Variants in KCNQ1 observed in about 807,000 individuals in gnomAD.
KCNQ1 encodes the protein potassium voltage-gated channel subfamily KQT member 1.
Under a neutral mutation model 72.4 loss-of-function variants are expected in KCNQ1, and 49 were observed. That is an observed-to-expected ratio of 0.68 (90% CI 0.54 to 0.86). The LOEUF (loss-of-function observed/expected upper bound fraction) is 0.86, where lower values mean the gene tolerates loss of function less well. KCNQ1 is among the 40% of genes least tolerant of loss of function. The pLI is 0.00. For missense variants in KCNQ1, 790 were observed against 945.1 expected (o/e 0.84, Z 2.15); for synonymous variants, 450 against 412.6 (o/e 1.09, Z -1.10).
Position 2,473,944 on chromosome 11 carries a change from C to A in KCNQ1, c.386+28460C>A, listed in dbSNP as rs1270439403. The stretch of plus-strand genomic sequence containing the variant: ...TCCTTCACCAAATCCGCAAAATAGG[C>A]CTGATGCCAGGAACGGGGCACTGCA... On this transcript the variant is annotated intron_variant, in intron 1 of 15. Transcript: ENST00000155840. The surrounding 1 kb of genome is among the most constrained non-coding windows in gnomAD (Gnocchi z 6.0). 1.3e-5 allele frequency among the ~76,000 whole-genome samples: 2 copies of A among 152,232 alleles called. No homozygotes were observed. Among genetic ancestry groups the A allele is most frequent in the Non-Finnish European group, 2.9e-5 (2 of 68,026 alleles).
intron 2 of KCNQ1, among the ~76,000 whole-genome samples, chr11:2,554,996 C>T (rs367660993): frequency 2.6e-5 from 4 of 152,330 alleles, no homozygotes; most frequent in South Asian, 4.1e-4. Context: ...TGTGCACACA[C>T]GCGCTGACAC....
intron 11 of KCNQ1, among the ~76,000 whole-genome samples, chr11:2,761,930 G>A (rs779194578): frequency 2.6e-5 from 4 of 152,256 alleles, no homozygotes; most frequent in Non-Finnish European, 4.4e-5. Context: ...AAGCAGCCAC[G>A]GGGCATGGCC....
chr11:2,622,439 T>C (rs977437371), intron 10 of KCNQ1: 9 of 398,316 alleles, frequency 2.3e-5, no homozygotes, highest in African/African-American at 1.9e-4. Flanking sequence ...CTTGTGTCTT[T>C]AGACCAAAAG....
intron 10 of KCNQ1, chr11:2,630,329 T>A (rs1849332489): frequency 2.5e-6 from 1 of 398,282 alleles, no homozygotes; most frequent in South Asian, 1.3e-4. Context: ...TTGTTGAAAA[T>A]TTTTAAATGT....
At position 2,658,701 on chromosome 11, in the gene KCNQ1, T is replaced by A; in HGVS notation, c.1394-3260T>A. ...CAGAGCTAGGAAATATATGTATGTATGTAACCTGAGTACACATACATCTTT... is the reference window on the plus strand; with the variant it reads ...CAGAGCTAGGAAATATATGTATGTAAGTAACCTGAGTACACATACATCTTT... On this transcript the variant is annotated intron_variant, in intron 10 of 15. Coordinates refer to ENST00000155840, the MANE Select transcript of KCNQ1 (RefSeq NM_000218.3). This position sits in a 1 kb window ranked among gnomAD's most constrained non-coding sequence, Gnocchi z 4.9. 2 of 398,584 alleles carry A rather than the reference T, an allele frequency of 5.0e-6. No homozygotes were observed. Among genetic ancestry groups the A allele is most frequent in the South Asian group, 1.3e-4 (1 of 7,858 alleles). The allele number at this position is 398,584 out of a possible 1,614,324, so 24.7% of individuals were successfully genotyped here. A position where few individuals can be genotyped will look rare whatever the true frequency, so the allele number is the denominator to read the frequency against.
rs955767504 is a variant in KCNQ1, at chr11:2,471,885, T to C, written c.386+26401T>C. 6.6e-6 allele frequency among the ~76,000 whole-genome samples: 1 copy of C among 151,814 alleles called. No homozygotes were observed. The highest frequency in any genetic ancestry group is 1.5e-5 in the Non-Finnish European group (1 of 67,932). On this transcript the variant is annotated intron_variant, in intron 1 of 15. Transcript: ENST00000155840. The surrounding 1 kb of genome is among the most constrained non-coding windows in gnomAD (Gnocchi z 4.8). ...GTTTATGTATGGGTGTGTGTGCACATGTGTATAGGTGTGTGTATGCGTGCA... is the reference window on the plus strand; with the variant it reads ...GTTTATGTATGGGTGTGTGTGCACACGTGTATAGGTGTGTGTATGCGTGCA...
chr11:2,610,088 A>G (rs1011080857), intron 10 of KCNQ1: 3 of 397,444 alleles, frequency 7.5e-6, no homozygotes, highest in East Asian at 3.6e-5. Flanking sequence ...TTGTTCCTCT[A>G]TTTCTCCTTT....
intron 11 of KCNQ1, chr11:2,685,449 T>A (rs955469042): frequency 5.0e-6 from 2 of 398,696 alleles, no homozygotes; most frequent in Non-Finnish European, 8.8e-6. Context: ...GAAGCCCTTA[T>A]CCAGAAGCCC....
At position 2,599,555 on chromosome 11, in the gene KCNQ1, A is replaced by T. The variant is rs2133774703; in HGVS notation, c.1393+10701A>T. Among the ~76,000 whole-genome samples the T allele has an allele frequency of 6.6e-6, 1 of 152,350 alleles. No individual in the cohort carries two copies. Among genetic ancestry groups the T allele is most frequent in the African/African-American group, 2.4e-5 (1 of 41,592 alleles). On this transcript the variant is annotated intron_variant, in intron 10 of 15. Transcript: ENST00000155840. This position sits in a 1 kb window ranked among gnomAD's most constrained non-coding sequence, Gnocchi z 4.7. ...ACTTTCCAGGATGTATTAGTTTGCT[A>T]GGACTGCCATAACAAAATACCACAG...
Position 2,536,335 on chromosome 11 carries a change from C to T in KCNQ1, c.477+8317C>T, listed in dbSNP as rs1847731328. Among the ~76,000 whole-genome samples, 1 of 152,132 alleles carries T rather than the reference C, an allele frequency of 6.6e-6. No homozygotes were observed. Among genetic ancestry groups the T allele is most frequent in the African/African-American group, 2.4e-5 (1 of 41,420 alleles). On this transcript the variant is annotated intron_variant, in intron 2 of 15. Transcript: ENST00000155840. This position sits in a 1 kb window ranked among gnomAD's most constrained non-coding sequence, Gnocchi z 7.4. The stretch of plus-strand genomic sequence containing the variant: ...CACTGCCTGCGGCTCTTACAGGAGT[C>T]TCTCGTGCACCATTGCTCAACCCCC...
intron 1 of KCNQ1, among the ~76,000 whole-genome samples, chr11:2,465,168 AT>A (rs1020876968): frequency 4.7e-5 from 7 of 150,352 alleles, no homozygotes; most frequent in Admixed American, 2.0e-4. Context: ...TTTATTTTTT[AT>A]TTTTTTTTGA....
chr11:2,573,285 C>T (rs1323964507), intron 6 of KCNQ1, among the ~76,000 whole-genome samples: 1 of 152,184 alleles, frequency 6.6e-6, no homozygotes, highest in African/African-American at 2.4e-5. Flanking sequence ...GCGGTTTCGG[C>T]TCCCCCATGG....
At position 2,847,853 on chromosome 11, in the gene KCNQ1, C is replaced by T. The variant is rs781272088; in HGVS notation, c.1881C>T (p.Ser627=). 5.2e-5 allele frequency: 82 copies of T among 1,572,636 alleles called. No individual in the cohort carries two copies. Among genetic ancestry groups the T allele is most frequent in the Non-Finnish European group, 6.7e-5 (78 of 1,158,768 alleles). Residue 627 remains serine (S), a synonymous_variant, in exon 16 of 16, where the codon AGC becomes AGT. Coordinates refer to ENST00000155840, the MANE Select transcript of KCNQ1 (RefSeq NM_000218.3). ...LSLHGGSTPG[S]GGPPREGGAH... The stretch of plus-strand genomic sequence containing the variant: ...TGCACGGTGGCAGCACCCCCGGCAG[C>T]GGCGGCCCCCCCAGAGAGGGCGGGG...
At chr11:2,662,422 G>A in intron 11 of KCNQ1, 1 of 280,934 alleles carries the variant, frequency 3.6e-6, no homozygotes, top group Admixed American at 4.7e-5. Context: ...TTGTTTTTTA[G>A]CATTTCCCCA....
chr11:2,842,269 G>A (rs558459030), intron 15 of KCNQ1, among the ~76,000 whole-genome samples: 7 of 152,352 alleles, frequency 4.6e-5, no homozygotes, highest in East Asian at 3.9e-4. Context: ...GACACTGCCC[G>A]GGTGAAGGGC....
Position 2,664,271 on chromosome 11 carries a change from T to C in KCNQ1, c.1514+2190T>C, listed in dbSNP as rs1241669438. Reference sequence around the variant, plus strand: ...ACTGGGAGAGGGAAAAACAAGGAGGTTGCTGCAAAGGGGCCACCTTGAGGC... The same window carrying C: ...ACTGGGAGAGGGAAAAACAAGGAGGCTGCTGCAAAGGGGCCACCTTGAGGC... On this transcript the variant is annotated intron_variant, in intron 11 of 15. Coordinates refer to ENST00000155840, the MANE Select transcript of KCNQ1 (RefSeq NM_000218.3). The surrounding 1 kb of genome is among the most constrained non-coding windows in gnomAD (Gnocchi z 5.1). The C allele has an allele frequency of 1.0e-5, 4 of 398,642 alleles. No homozygotes were observed. In the South Asian group the frequency reaches 3.8e-4, roughly 38 times the overall value. The allele number at this position is 398,642 out of a possible 1,614,324, so 24.7% of individuals were successfully genotyped here.
Position 2,725,683 on chromosome 11 carries a change from T to C in KCNQ1, c.1515-43161T>C, listed in dbSNP as rs1845747511. 6.6e-6 allele frequency among the ~76,000 whole-genome samples: 1 copy of C among 152,082 alleles called. No homozygotes were observed. Among genetic ancestry groups the C allele is most frequent in the Admixed American group, 6.5e-5 (1 of 15,276 alleles). ...GTGCCAAAGCCCCAGGCCCACAGGCTGTGCACTCCAGCCGAGGGCAGCCTG... is the reference window on the plus strand; with the variant it reads ...GTGCCAAAGCCCCAGGCCCACAGGCCGTGCACTCCAGCCGAGGGCAGCCTG... On this transcript the variant is annotated intron_variant, in intron 11 of 15. Coordinates refer to ENST00000155840, the MANE Select transcript of KCNQ1 (RefSeq NM_000218.3). The surrounding 1 kb of genome is among the most constrained non-coding windows in gnomAD (Gnocchi z 7.2).
Position 2,663,750 on chromosome 11 carries a change from G to C in KCNQ1, c.1514+1669G>C, listed in dbSNP as rs1850012042. On this transcript the variant is annotated intron_variant, in intron 11 of 15. Coordinates refer to ENST00000155840, the MANE Select transcript of KCNQ1 (RefSeq NM_000218.3). This position sits in a 1 kb window ranked among gnomAD's most constrained non-coding sequence, Gnocchi z 5.2. ...GCAGGTGAAGGTGGTGAGAGACCAGGCACTTATGTGGATCACAGCCAAACT... is the reference window on the plus strand; with the variant it reads ...GCAGGTGAAGGTGGTGAGAGACCAGCCACTTATGTGGATCACAGCCAAACT... 1.8e-5 allele frequency: 7 copies of C among 398,738 alleles called. 1 individual carries two copies. The highest frequency in any genetic ancestry group is 4.1e-5 in the African/African-American group (2 of 48,772). 24.7% of individuals were successfully genotyped at this position (398,738 alleles called of 1,614,324 possible).
intron 1 of KCNQ1, among the ~76,000 whole-genome samples, chr11:2,465,966 G>A (rs1262384509): frequency 1.3e-5 from 2 of 152,198 alleles, no homozygotes; most frequent in Non-Finnish European, 2.9e-5. Flanking sequence ...TCCTTTCCTT[G>A]GGGAGCTTGG....
Sources: gnomAD v4.1 joint callset for allele counts (sites outside exome capture counted in the v4.1 genomes callset) on GRCh38, gnomAD v4.1.1 for gene constraint, Gnocchi (gnomAD v3.1) non-coding constraint, MANE v1.5 for transcripts, NCBI Gene and HGNC (gene_info 2026-07-23, HGNC 2026-07-21) for gene names.